CDH23: variants seen among roughly 807,000 people sequenced by gnomAD.
CDH23 encodes the protein cadherin-23.
A neutral mutation model predicts 317.1 loss-of-function variants in CDH23; 189 were observed. The ratio of observed to expected loss-of-function variants is 0.60; its 90% CI spans 0.53 to 0.67. CDH23 has a LOEUF of 0.67. Among genes scored for constraint, CDH23 ranks in the 30% least tolerant of loss-of-function variants. The pLI, the probability that CDH23 is intolerant of heterozygous loss-of-function variation, is 0.00. For synonymous variants in CDH23, 1,839 were observed against 1,876.8 expected, an observed-to-expected ratio of 0.98 and a Z score of 0.52; for missense variants, 4,401 against 4,592.4, an observed-to-expected ratio of 0.96 and a Z score of 1.20.
intron 24 of CDH23, 125 bp downstream of exon 24, chr10:71,702,819 G>C: frequency 2.8e-6 from 3 of 1,085,556 alleles, no homozygotes; most frequent in Non-Finnish European, 2.7e-6. Flanking sequence ...AAGGACAGAG[G>C]CTCTGGAGAT....
intron 17 of CDH23, among the ~76,000 whole-genome samples, chr10:71,682,102 TG>T (rs1864677028): frequency 6.6e-6 from 1 of 152,202 alleles, no homozygotes; most frequent in East Asian, 1.9e-4. Context: ...AGAAAGAGCC[TG>T]GGTTCTGGAT....
chr10:71,698,535 C>T (rs1004071235), intron 22 of CDH23, among the ~76,000 whole-genome samples: 1 of 151,746 alleles, frequency 6.6e-6, no homozygotes, highest in Non-Finnish European at 1.5e-5. Flanking sequence ...CACACACCCA[C>T]GCCCACAACC....
intron 14 of CDH23, among the ~76,000 whole-genome samples, chr10:71,665,224 A>C (rs577077719): frequency 6.6e-6 from 1 of 152,044 alleles, no homozygotes; most frequent in East Asian, 1.9e-4. Flanking sequence ...ACTTTCTCCC[A>C]CCACACCTAT....
intron 14 of CDH23, among the ~76,000 whole-genome samples, chr10:71,664,379 C>G (rs796580521): frequency 6.6e-6 from 1 of 152,220 alleles, no homozygotes; most frequent in Non-Finnish European, 1.5e-5. Flanking sequence ...TGATAACAAA[C>G]AAGCCGAGGG....
chr10:71,778,052 A>T (rs1840859432), intron 39 of CDH23, 137 bp from the exon 40 acceptor site: 1 of 1,444,838 alleles, frequency 6.9e-7, no homozygotes, highest in African/African-American at 1.4e-5. Flanking sequence ...AGTTTGGTGG[A>T]GTGGAGCCTG....
chr10:71,774,047 GCGCGCACACA>G (rs1294315962), intron 38 of CDH23, among the ~76,000 whole-genome samples: 22 of 116,780 alleles, frequency 1.9e-4, no homozygotes, highest in Admixed American at 1.3e-3. Context: ...GTGCATGCGC[GCGCGCACACA>G]CACACACACA....
chr10:71,751,645 T>C lies in CDH23; in HGVS notation c.4845+9724T>C, dbSNP rs777258542. On this transcript the variant is annotated intron_variant, in intron 38 of 69. Coordinates refer to ENST00000224721, the MANE Select transcript of CDH23 (RefSeq NM_022124.6). This position sits in a 1 kb window ranked among gnomAD's most constrained non-coding sequence, Gnocchi z 4.9. Reference sequence around the variant, plus strand: ...GTCATGACCTTACAGGTCATCGTGCTGTGAAGGTCAGGAAACACTTACCCA... The same window carrying C: ...GTCATGACCTTACAGGTCATCGTGCCGTGAAGGTCAGGAAACACTTACCCA... 38 of 1,515,388 alleles carry C rather than the reference T, an allele frequency of 2.5e-5. No homozygotes were observed. Among genetic ancestry groups the C allele is most frequent in the African/African-American group, 4.2e-5 (3 of 71,654 alleles). 93.9% of individuals were successfully genotyped at this position (1,515,388 alleles called of 1,614,324 possible). A position where few individuals can be genotyped will look rare whatever the true frequency, so the allele number is the denominator to read the frequency against.
intron 10 of CDH23, 93 bp from the exon 11 acceptor site, chr10:71,617,112 C>A: frequency 2.0e-6 from 3 of 1,479,204 alleles, no homozygotes; most frequent in Non-Finnish European, 2.7e-6. Flanking sequence ...CACATTGAGG[C>A]ACAGTGGCTG....
chr10:71,799,196 G>C lies in CDH23; in HGVS notation c.7140G>C (p.Pro2380=), dbSNP rs770747021. The C allele has an allele frequency of 3.1e-6, 5 of 1,613,918 alleles. No individual in the cohort carries two copies. The African/African-American group carries it at 6.7e-5, about 22-fold the overall frequency. ...TGAGGGCCTCAGACAACGGGTCCCC[G>C]CCCCGGGCAGCTGAGATCCCTGTCT... ...FTVRASDNGS[P]PRAAEIPVYL... Residue 2380 remains proline, a synonymous_variant, in exon 51 of 70, where the codon CCG becomes CCC. Transcript: ENST00000224721.
chr10:71,528,956 T>C (rs567840205), intron 6 of CDH23, among the ~76,000 whole-genome samples: 29 of 152,202 alleles, frequency 1.9e-4, no homozygotes, highest in Admixed American at 1.9e-3. Flanking sequence ...GCTCACTGCT[T>C]TGTCTTTGGT....
At chr10:71,645,653 T>C in intron 12 of CDH23, 178 bp from the exon 13 acceptor site, 1 of 781,176 alleles carries the variant, frequency 1.3e-6, no homozygotes, top group Non-Finnish European at 2.3e-6. Context: ...TAGACATGGG[T>C]GGGTCATGGA....
chr10:71,469,854 C>T (rs1851427366), intron 3 of CDH23, among the ~76,000 whole-genome samples: 1 of 152,214 alleles, frequency 6.6e-6, no homozygotes, highest in Non-Finnish European at 1.5e-5. Flanking sequence ...GTCTGCCCGC[C>T]TTGGCCTCAC....
chr10:71,808,793 C>T (rs1672281124), intron 60 of CDH23, among the ~76,000 whole-genome samples: 1 of 152,186 alleles, frequency 6.6e-6, no homozygotes, highest in South Asian at 2.1e-4. Flanking sequence ...GCCCTGTGCC[C>T]AGCCTAGCTA....
intron 9 of CDH23, among the ~76,000 whole-genome samples, chr10:71,612,889 C>T (rs1348671152): frequency 1.3e-5 from 2 of 152,264 alleles, no homozygotes; most frequent in Non-Finnish European, 2.9e-5. Flanking sequence ...TGCTCTGTCG[C>T]CCAGGCTGGA....
At chr10:71,799,690 G>A (rs1424123155) in intron 52 of CDH23, 61 bp downstream of exon 52, 1 of 1,609,498 alleles carries the variant, frequency 6.2e-7, no homozygotes, top group African/African-American at 1.3e-5. Context: ...CAGAGACTGA[G>A]CAGCCACCAA....
intron 11 of CDH23, among the ~76,000 whole-genome samples, chr10:71,630,258 A>C (rs148503736): frequency 7.1e-4 from 108 of 152,186 alleles, no homozygotes; most frequent in East Asian, 7.0e-3. Context: ...CTGGCCTCAT[A>C]AGATCATCCT....
intron 3 of CDH23, among the ~76,000 whole-genome samples, chr10:71,454,226 T>C (rs2132042574): frequency 6.6e-6 from 1 of 152,342 alleles, no homozygotes; most frequent in East Asian, 1.9e-4. Flanking sequence ...TTTCCTCTTC[T>C]GCAAAATGGG....
At position 71,646,589 on chromosome 10, in the gene CDH23, C is replaced by T. The variant is rs1862880669; in HGVS notation, c.1421C>T (p.Thr474Ile). The T allele has an allele frequency of 6.2e-6, 10 of 1,613,996 alleles. No homozygotes were observed. The highest frequency in any genetic ancestry group is 8.5e-6 in the Non-Finnish European group (10 of 1,179,908). Residue 474 changes from threonine to isoleucine, a missense_variant, in exon 14 of 70, where the codon ACC becomes ATC. Thr to Ile is a moderately conservative substitution (Grantham distance 89, BLOSUM62 -1). This residue lies in a region of CDH23 where 3,068 missense variants were observed against 3,203.3 expected (regional missense o/e 0.96). Transcript: ENST00000224721. ...LYNISLYENVTVGTSVLTVLA... is the reference protein window; with the variant it reads ...LYNISLYENVIVGTSVLTVLA... ...AACATCAGCCTGTACGAGAACGTCA[C>T]CGTGGGGACCTCTGTGCTGACAGTC...
chr10:71,688,467 A>G (rs1864997319), intron 19 of CDH23, among the ~76,000 whole-genome samples: 1 of 145,442 alleles, frequency 6.9e-6, no homozygotes. Flanking sequence ...TGGAATAAGG[A>G]TGGTGGAGCC....
Sources: gnomAD v4.1 joint callset for allele counts (sites outside exome capture counted in the v4.1 genomes callset) on GRCh38, gnomAD v4.1.1 for gene constraint, gnomAD v4.1.1 regional missense constraint, Gnocchi (gnomAD v3.1) non-coding constraint, MANE v1.5 for transcripts, NCBI Gene and HGNC (gene_info 2026-07-23, HGNC 2026-07-21) for gene names.